Variants in GRAMD2B observed in about 807,000 individuals in gnomAD.
The protein encoded by GRAMD2B is GRAM domain-containing protein 2B.
A neutral mutation model predicts 59.2 loss-of-function variants in GRAMD2B; 41 were observed. The ratio of observed to expected loss-of-function variants is 0.69; its 90% confidence interval spans 0.54 to 0.90. The LOEUF (loss-of-function observed/expected upper bound fraction) is 0.90, where lower values mean the gene tolerates loss of function less well. GRAMD2B is among the 40% of genes least tolerant of loss of function. The pLI is 0.00. For missense variants in GRAMD2B, 424 were observed against 500.5 expected (o/e 0.85, Z 1.46); for synonymous variants, 161 against 182.7 (o/e 0.88, Z 0.96).
intron 1 of GRAMD2B, among the ~76,000 whole-genome samples, chr5:126,437,293 G>C (rs184031159): frequency 3.3e-5 from 5 of 152,284 alleles, no homozygotes; most frequent in Admixed American, 1.3e-4. Context: ...AAATAAAATT[G>C]GAAGGACCAG....
At chr5:126,439,014 C>T (rs1762855224) in intron 1 of GRAMD2B, among the ~76,000 whole-genome samples, 1 of 152,162 alleles carries the variant, frequency 6.6e-6, no homozygotes, top group African/African-American at 2.4e-5. Flanking sequence ...TTCCTGTACA[C>T]AACCGTCTGA....
chr5:126,360,888 A>T (rs1310374591), intron 1 of GRAMD2B, among the ~76,000 whole-genome samples: 1 of 152,188 alleles, frequency 6.6e-6, no homozygotes, highest in Non-Finnish European at 1.5e-5. Context: ...AGATATTTGC[A>T]TGAAGTCACA....
intron 1 of GRAMD2B, among the ~76,000 whole-genome samples, chr5:126,402,091 G>T (rs1757888203): frequency 6.6e-6 from 1 of 152,008 alleles, no homozygotes; most frequent in African/African-American, 2.4e-5. Flanking sequence ...AGGTAGGGAG[G>T]CCCAGCTGAA....
chr5:126,364,100 G>A (rs1754339717), intron 1 of GRAMD2B, among the ~76,000 whole-genome samples: 1 of 152,094 alleles, frequency 6.6e-6, no homozygotes, highest in Admixed American at 6.5e-5. Context: ...TCCTTATTAT[G>A]TTCAAGGCAA....
chr5:126,441,184 C>T (rs967629361), intron 1 of GRAMD2B, among the ~76,000 whole-genome samples: 1 of 152,036 alleles, frequency 6.6e-6, no homozygotes, highest in Admixed American at 6.5e-5. Context: ...AGCTTAAGAT[C>T]CCCTACTTTG....
intron 1 of GRAMD2B, among the ~76,000 whole-genome samples, chr5:126,447,530 G>T (rs957117506): frequency 1.3e-5 from 2 of 152,080 alleles, no homozygotes; most frequent in Non-Finnish European, 2.9e-5. Context: ...CGGGCGTGGT[G>T]GCGGGCGCCT....
chr5:126,455,839 A>T (rs1268498938), intron 1 of GRAMD2B, among the ~76,000 whole-genome samples: 1 of 152,156 alleles, frequency 6.6e-6, no homozygotes, highest in Non-Finnish European at 1.5e-5. Context: ...CTTCCACACA[A>T]CTTCTCTGAG....
chr5:126,397,225 TTTTA>T lies in GRAMD2B; in HGVS notation c.125+25670_125+25673del, dbSNP rs570268615. 3.1e-4 allele frequency among the ~76,000 whole-genome samples: 47 copies of T among 152,218 alleles called. No individual in the cohort carries two copies. The East Asian group carries it at 9.1e-3, about 29-fold the overall frequency. The stretch of plus-strand genomic sequence containing the variant: ...TGTGTGGTTTTCATTTGGACTTTTA[TTTTA>T]TTTATTTATTTTTGAGACAGAGTCT... On this transcript the variant is annotated intron_variant, in intron 1 of 8. Coordinates refer to the GRAMD2B transcript ENST00000506445.
Position 126,494,260 on chromosome 5 carries a change from ACTTC to A in GRAMD2B, c.*1311_*1314del, listed in dbSNP as rs1190722057. 6 of 152,210 alleles carry A rather than the reference ACTTC, an allele frequency of 3.9e-5. No homozygotes were observed. Among genetic ancestry groups the A allele is most frequent in the Non-Finnish European group, 2.9e-5 (2 of 68,002 alleles). The allele number at this position is 152,210 out of a possible 1,614,324, so 9.4% of individuals were successfully genotyped here. On this transcript the variant is annotated 3_prime_UTR_variant, in exon 14 of 14. Transcript: ENST00000285689. ...CATCTACTACTACCAACTCACTTAT[ACTTC>A]CTTCCTCCCAAGTAATCATTTCAAA...
chr5:126,387,726 G>C (rs987619421), intron 1 of GRAMD2B, among the ~76,000 whole-genome samples: 2 of 151,828 alleles, frequency 1.3e-5, no homozygotes, highest in Non-Finnish European at 2.9e-5. Flanking sequence ...ACAGAATTTT[G>C]TCAGACAATG....
At chr5:126,370,080 A>T (rs1754667379), upstream of GRAMD2B, among the ~76,000 whole-genome samples, 1 of 152,236 alleles carries the variant, frequency 6.6e-6, no homozygotes, top group East Asian at 1.9e-4. Flanking sequence ...GAACTGTAGC[A>T]TGAGGGCGCT....
Position 126,492,983 on chromosome 5 carries a change from A to C in GRAMD2B, c.*27A>C. ...CGACCAGATTGCTTGGGCCATCGGAATACCTCATGTTTCCCTTTGAAGAAG... is the reference window on the plus strand; with the variant it reads ...CGACCAGATTGCTTGGGCCATCGGACTACCTCATGTTTCCCTTTGAAGAAG... On this transcript the variant is annotated 3_prime_UTR_variant, in exon 14 of 14. Transcript: ENST00000285689. The C allele has an allele frequency of 6.3e-7, 1 of 1,598,264 alleles. No homozygotes were observed. Among genetic ancestry groups the C allele is most frequent in the Non-Finnish European group, 8.6e-7 (1 of 1,165,832 alleles).
intron 1 of GRAMD2B, among the ~76,000 whole-genome samples, chr5:126,415,256 T>TC (rs1249778828): frequency 2.0e-5 from 3 of 152,154 alleles, no homozygotes; most frequent in Non-Finnish European, 4.4e-5. Flanking sequence ...TTTTCCTTTC[T>TC]CTCCATTTAA....
rs962260336 is a variant in GRAMD2B at position 126,465,616 on chromosome 5, G to T, written c.203+71G>T. 7.7e-6 allele frequency: 11 copies of T among 1,426,678 alleles called. 1 individual carries two copies. Among genetic ancestry groups the T allele is most frequent in the South Asian group, 6.2e-5 (5 of 81,206 alleles). The allele number at this position is 1,426,678 out of a possible 1,614,324, so 88.4% of individuals were successfully genotyped here. A position where few individuals can be genotyped will look rare whatever the true frequency, so the allele number is the denominator to read the frequency against. The stretch of plus-strand genomic sequence containing the variant: ...AGAAGGCGTTACAGGAGGAGCAGGG[G>T]TTTTTTGTTAAGAGTGAGGATGTAT... On this transcript the variant is annotated intron_variant, in intron 2 of 13. Transcript: ENST00000285689.
At chr5:126,414,797 G>A (rs1257794456) in intron 1 of GRAMD2B, among the ~76,000 whole-genome samples, 1 of 152,102 alleles carries the variant, frequency 6.6e-6, no homozygotes, top group East Asian at 1.9e-4. Context: ...AGAAGCTAAT[G>A]CAAATCACAG....
At chr5:126,376,482 T>C (rs1755194228) in intron 1 of GRAMD2B, among the ~76,000 whole-genome samples, 1 of 152,326 alleles carries the variant, frequency 6.6e-6, no homozygotes, top group Non-Finnish European at 1.5e-5. Flanking sequence ...TTGCCCTTCT[T>C]TCCTTCTGCC....
chr5:126,465,620 TTTG>T (rs1310122525), intron 2 of GRAMD2B, 75 bp downstream of exon 2: 35 of 1,386,420 alleles, frequency 2.5e-5, no homozygotes, highest in Admixed American at 6.0e-5. Context: ...GCAGGGGTTT[TTTG>T]TTAAGAGTGA....
chr5:126,429,783 G>T (rs1761263159), intron 1 of GRAMD2B, among the ~76,000 whole-genome samples: 1 of 152,230 alleles, frequency 6.6e-6, no homozygotes, highest in Non-Finnish European at 1.5e-5. Flanking sequence ...GACAGCACCT[G>T]AGCATTTCTT....
chr5:126,482,834 T>G (rs1204629734), intron 8 of GRAMD2B, among the ~76,000 whole-genome samples: 3 of 152,224 alleles, frequency 2.0e-5, no homozygotes, highest in Non-Finnish European at 2.9e-5. Context: ...TCTTCAGTTC[T>G]TAAGCACTTT....
Sources: allele counts gnomAD v4.1 joint callset (sites outside exome capture counted in the v4.1 genomes callset), GRCh38; gene constraint gnomAD v4.1.1; transcripts MANE v1.5; gene names NCBI Gene and HGNC (gene_info 2026-07-23, HGNC 2026-07-21).